Variants in RANBP2 observed in about 807,000 individuals in gnomAD.
RANBP2 encodes RAN binding protein 2, also known as E3 SUMO-protein ligase RanBP2.
In RANBP2, 57 loss-of-function variants were observed where a neutral mutation model predicts 303.6. That is an observed-to-expected ratio of 0.19 (90% CI 0.15 to 0.23). RANBP2 has a LOEUF of 0.23. RANBP2 is among the 10% of genes least tolerant of loss of function. The probability of loss-of-function intolerance (pLI) is 1.00; values close to 1 mark genes in which losing one functional copy is unlikely to be tolerated. For missense variants in RANBP2, 3,138 were observed against 3,780.8 expected (o/e 0.83, Z 4.46); for synonymous variants, 1,167 against 1,301.5 (o/e 0.90, Z 2.23).
At chr2:109,316,626 C>T in the RANBP2 span, among the ~76,000 whole-genome samples, 5 of 152,202 alleles carry the variant, frequency 3.3e-5, no homozygotes, top group African/African-American at 9.7e-5. Context: ...CCTCCTGCCC[C>T]GCCCCCATGT....
the RANBP2 span, among the ~76,000 whole-genome samples, chr2:109,320,683 T>C: frequency 6.6e-6 from 1 of 152,238 alleles, no homozygotes; most frequent in Non-Finnish European, 1.5e-5. Context: ...GTAAAATTAC[T>C]GGCATTCCTC....
chr2:109,021,981 G>A, the RANBP2 span, among the ~76,000 whole-genome samples: 1 of 152,198 alleles, frequency 6.6e-6, no homozygotes, highest in Non-Finnish European at 1.5e-5. Flanking sequence ...GCCTTGGCAT[G>A]TGGCTTACAC....
the RANBP2 span, among the ~76,000 whole-genome samples, chr2:108,889,089 C>T: frequency 6.6e-6 from 1 of 151,276 alleles, no homozygotes; most frequent in African/African-American, 2.4e-5. Context: ...GTTTAATTTC[C>T]ATGTTTTTGT....
At chr2:109,562,292 C>CCCT in the RANBP2 span, among the ~76,000 whole-genome samples, 1 of 151,438 alleles carries the variant, frequency 6.6e-6, no homozygotes, top group African/African-American at 2.4e-5. Context: ...CTGTCACTAC[C>CCCT]CCTCTCTTTC....
the RANBP2 span, chr2:108,906,359 G>A: frequency 9.9e-6 from 16 of 1,613,992 alleles, no homozygotes; most frequent in Non-Finnish European, 6.8e-6. Flanking sequence ...TTTTTCCTCC[G>A]GCTTTGAATC....
At chr2:109,002,929 T>C in the RANBP2 span, among the ~76,000 whole-genome samples, 46 of 152,092 alleles carry the variant, frequency 3.0e-4, no homozygotes, top group Admixed American at 2.8e-3. Context: ...GCAAAGTGGC[T>C]GGGCATGGTG....
At chr2:109,210,801 A>T in the RANBP2 span, among the ~76,000 whole-genome samples, 1 of 152,206 alleles carries the variant, frequency 6.6e-6, no homozygotes, top group African/African-American at 2.4e-5. Context: ...CCTATTTCTA[A>T]AGCATGAGTC....
the RANBP2 span, among the ~76,000 whole-genome samples, chr2:109,022,761 G>C: frequency 6.6e-6 from 1 of 152,156 alleles, no homozygotes; most frequent in Admixed American, 6.5e-5. Flanking sequence ...TTTTAAAAAA[G>C]AATTATTGGC....
At chr2:109,686,659 C>T in the RANBP2 span, among the ~76,000 whole-genome samples, 1 of 152,018 alleles carries the variant, frequency 6.6e-6, no homozygotes, top group Admixed American at 6.6e-5. Context: ...TTATCCAGGT[C>T]GGACTGCAGT....
the RANBP2 span, among the ~76,000 whole-genome samples, chr2:109,497,154 A>AT: frequency 2.0e-5 from 3 of 152,352 alleles, no homozygotes; most frequent in Non-Finnish European, 4.4e-5. Context: ...ATTTATGGTC[A>AT]TTCGTTATAG....
the RANBP2 span, chr2:108,882,390 C>T: frequency 6.6e-6 from 1 of 152,106 alleles, no homozygotes; most frequent in East Asian, 1.9e-4. Flanking sequence ...ATTAGGTATG[C>T]CTGTATGGAA....
intron 8 of RANBP2, among the ~76,000 whole-genome samples, chr2:108,748,217 T>C (rs1213054916): frequency 1.2e-4 from 18 of 151,742 alleles, no homozygotes; most frequent in Non-Finnish European, 1.5e-5. Context: ...TCTTTTTTTT[T>C]TTTTTCCTGA....
chr2:108,892,054 A>G, the RANBP2 span, among the ~76,000 whole-genome samples: 3 of 152,124 alleles, frequency 2.0e-5, no homozygotes, highest in East Asian at 5.8e-4. Flanking sequence ...AGGCACCACC[A>G]TTGGTGGCCA....
the RANBP2 span, among the ~76,000 whole-genome samples, chr2:108,807,075 A>G: frequency 1.3e-5 from 2 of 152,228 alleles, no homozygotes; most frequent in African/African-American, 2.4e-5. Context: ...CTTTCATTCT[A>G]TACAAAATTA....
At chr2:108,931,075 C>A in the RANBP2 span, 2 of 1,563,674 alleles carry the variant, frequency 1.3e-6, no homozygotes, top group Non-Finnish European at 1.8e-6. Context: ...CGGTAGCACC[C>A]CAGCCGGGGG....
Position 108,751,938 on chromosome 2 carries a change from A to G in RANBP2, c.1699A>G (p.Lys567Glu). The change falls in exon 12 of 29, where the codon AAA (lysine) becomes GAA (glutamate). Residue 567 changes from lysine (K) to glutamate (E), a missense_variant. Lys to Glu is a moderately conservative substitution (Grantham distance 56, BLOSUM62 1). Coordinates refer to ENST00000283195, the MANE Select transcript of RANBP2 (RefSeq NM_006267.5). ...HEINTLRAQE[K>E]HGLQPALLVH... ...AATAAACACTCTAAGAGCCCAGGAA[A>G]AACATGGCCTTCAACCTGCTCTGCT... The G allele has an allele frequency of 6.2e-7, 1 of 1,612,016 alleles. No homozygotes were observed. Among genetic ancestry groups the G allele is most frequent in the Non-Finnish European group, 8.5e-7 (1 of 1,179,862 alleles).
chr2:109,235,744 GACA>G, the RANBP2 span, among the ~76,000 whole-genome samples: 1 of 152,344 alleles, frequency 6.6e-6, no homozygotes, highest in East Asian at 1.9e-4. Context: ...GAGCTCTGAT[GACA>G]ACACTTGTTA....
the RANBP2 span, among the ~76,000 whole-genome samples, chr2:109,429,113 G>C: frequency 6.6e-6 from 1 of 152,284 alleles, no homozygotes; most frequent in African/African-American, 2.4e-5. Flanking sequence ...AGGTGGGAGG[G>C]AGGCAGGTTG....
At chr2:109,143,818 A>G in the RANBP2 span, among the ~76,000 whole-genome samples, 397 of 151,896 alleles carry the variant, frequency 2.6e-3, 4 homozygotes, top group African/African-American at 9.0e-3. Context: ...ATACACACAC[A>G]CACACACACA....
Sources: allele counts gnomAD v4.1 joint callset (sites outside exome capture counted in the v4.1 genomes callset), GRCh38; gene constraint gnomAD v4.1.1; transcripts MANE v1.5; gene names NCBI Gene and HGNC (gene_info 2026-07-23, HGNC 2026-07-21).